CTNNA1: variants seen among roughly 807,000 people sequenced by gnomAD.
CTNNA1 encodes the protein catenin alpha 1.
Under a neutral mutation model 98.4 loss-of-function variants are expected in CTNNA1, and 37 were observed. The observed-to-expected ratio is 0.38, with a 90% CI of 0.29 to 0.49. The LOEUF (loss-of-function observed/expected upper bound fraction) is 0.49. CTNNA1 is among the 20% of genes least tolerant of loss of function. The probability of loss-of-function intolerance (pLI) is 0.95; values close to 1 mark genes in which losing one functional copy is unlikely to be tolerated. For synonymous variants in CTNNA1, 404 were observed against 413.2 expected (o/e 0.98, Z 0.27); for missense variants, 761 against 1,147.2 (o/e 0.66, Z 4.86).
chr5:138,824,020 A>T (rs906006722), intron 5 of CTNNA1, among the ~76,000 whole-genome samples: 1 of 151,432 alleles, frequency 6.6e-6, no homozygotes, highest in Admixed American at 6.6e-5. Flanking sequence ...TACTCATAAT[A>T]AGTCTTACTC....
chr5:138,870,093 C>A (rs1317073478), intron 7 of CTNNA1: 2 of 152,074 alleles, frequency 1.3e-5, no homozygotes, highest in African/African-American at 4.8e-5. Flanking sequence ...TTCCTCTAAT[C>A]TTAAAAATAG....
chr5:138,858,384 C>G (rs1427008587), intron 7 of CTNNA1, among the ~76,000 whole-genome samples: 1 of 151,990 alleles, frequency 6.6e-6, no homozygotes, highest in African/African-American at 2.4e-5. Context: ...ACCTTGGCTT[C>G]CCAAAGTGCT....
Position 138,930,363 on chromosome 5 carries a change from G to C in CTNNA1, c.2011-110G>C, listed in dbSNP as rs1765044937. The stretch of plus-strand genomic sequence containing the variant: ...TTCAGGCGAAATGAAACCTATTAAA[G>C]CATTATCCTACCTATGCCACAGATT... On this transcript the variant is annotated intron_variant, in intron 14 of 17. Transcript: ENST00000302763. The C allele has an allele frequency of 6.4e-6, 5 of 785,354 alleles. 1 individual carries two copies. In the South Asian group the frequency reaches 9.1e-5, roughly 14 times the overall value. The allele number at this position is 785,354 out of a possible 1,614,324, so 48.6% of individuals were successfully genotyped here. A position where few individuals can be genotyped will look rare whatever the true frequency, so the allele number is the denominator to read the frequency against.
intron 3 of CTNNA1, among the ~76,000 whole-genome samples, chr5:138,801,769 C>T (rs1050271395): frequency 6.6e-6 from 1 of 152,088 alleles, no homozygotes; most frequent in Non-Finnish European, 1.5e-5. Flanking sequence ...GATTATTCAA[C>T]ACAACAAAGA....
chr5:138,905,744 T>A (rs555044187), intron 10 of CTNNA1, among the ~76,000 whole-genome samples: 13 of 152,312 alleles, frequency 8.5e-5, no homozygotes, highest in Non-Finnish European at 1.6e-4. Context: ...GAGCTGAGTT[T>A]GTTTGTCTGG....
intron 5 of CTNNA1, among the ~76,000 whole-genome samples, chr5:138,818,971 A>G (rs1199446151): frequency 6.6e-6 from 1 of 152,190 alleles, no homozygotes; most frequent in African/African-American, 2.4e-5. Flanking sequence ...CCATAAAGCC[A>G]GGATCTGTGA....
chr5:138,830,590 A>G (rs1761183629), intron 7 of CTNNA1, among the ~76,000 whole-genome samples: 1 of 152,254 alleles, frequency 6.6e-6, no homozygotes, highest in Non-Finnish European at 1.5e-5. Context: ...AGGGTCTGGA[A>G]GAAGCAGAAG....
chr5:138,931,849 T>C, intron 16 of CTNNA1: 1 of 985,540 alleles, frequency 1.0e-6, no homozygotes, highest in South Asian at 4.7e-5. Flanking sequence ...GTGGTGTACT[T>C]TGCTCCAGCC....
At chr5:138,816,075 G>A (rs541390278) in intron 5 of CTNNA1, among the ~76,000 whole-genome samples, 7 of 152,198 alleles carry the variant, frequency 4.6e-5, no homozygotes, top group East Asian at 1.9e-4. Context: ...CCACCTCTCC[G>A]CACTACCCTT....
At chr5:138,799,857 G>GATGT (rs55698183) in intron 3 of CTNNA1, among the ~76,000 whole-genome samples, 38,027 of 148,844 alleles carry the variant, frequency 0.26, 4,905 homozygotes, top group Non-Finnish European at 0.29. Context: ...AGTAGATGTA[G>GATGT]ATGTATGTAT....
intron 3 of CTNNA1, among the ~76,000 whole-genome samples, chr5:138,804,496 A>G (rs1310284311): frequency 6.6e-6 from 1 of 152,214 alleles, no homozygotes; most frequent in African/African-American, 2.4e-5. Flanking sequence ...CTGCCCAGCA[A>G]GCATTACCTT....
chr5:138,872,940 G>C (rs774314190), intron 7 of CTNNA1: 36 of 1,089,612 alleles, frequency 3.3e-5, no homozygotes, highest in Non-Finnish European at 4.6e-5. Flanking sequence ...GTAAAAATTA[G>C]ATATGTATTT....
At chr5:138,905,323 C>A (rs1759002531) in intron 10 of CTNNA1, among the ~76,000 whole-genome samples, 1 of 152,058 alleles carries the variant, frequency 6.6e-6, no homozygotes, top group African/African-American at 2.4e-5. Flanking sequence ...CCTTCCATTG[C>A]TGGAAAATAC....
chr5:138,885,397 A>G (rs1234143042), intron 7 of CTNNA1, among the ~76,000 whole-genome samples: 1 of 152,222 alleles, frequency 6.6e-6, no homozygotes, highest in East Asian at 1.9e-4. Context: ...TACTTTATAT[A>G]TACTTTATAG....
rs73263406 is a variant in CTNNA1 at position 138,830,482 on chromosome 5, C to T, written c.1062+2764C>T. ...TCTTTAGTTTCCTTTTATTGATTCACGTAACAGTGAACAGGCTTGGTCCTG... is the reference window on the plus strand; with the variant it reads ...TCTTTAGTTTCCTTTTATTGATTCATGTAACAGTGAACAGGCTTGGTCCTG... On this transcript the variant is annotated intron_variant, in intron 7 of 17. Transcript: ENST00000302763. 8.7e-3 allele frequency among the ~76,000 whole-genome samples: 1,324 copies of T among 152,266 alleles called. 18 individuals are homozygous for T. The highest frequency in any genetic ancestry group is 0.03 in the African/African-American group (1,257 of 41,536).
chr5:138,829,925 G>A (rs1377626814), intron 7 of CTNNA1, among the ~76,000 whole-genome samples: 1 of 152,078 alleles, frequency 6.6e-6, no homozygotes, highest in Non-Finnish European at 1.5e-5. Flanking sequence ...CCAGCACTTT[G>A]GGAGGCTGAG....
intron 1 of CTNNA1, among the ~76,000 whole-genome samples, chr5:138,776,039 C>CTTTTTTT (rs57467422): frequency 1.6e-3 from 132 of 83,830 alleles, no homozygotes; most frequent in South Asian, 2.3e-3. Flanking sequence ...GGAAATGTTT[C>CTTTTTTT]TTTTTTTTTT....
At chr5:138,777,019 G>A (rs554085614) in intron 1 of CTNNA1, among the ~76,000 whole-genome samples, 61 of 152,306 alleles carry the variant, frequency 4.0e-4, no homozygotes, top group African/African-American at 1.5e-3. Context: ...CTCCCTCCCG[G>A]ATGGGGTGGC....
chr5:138,823,327 C>T (rs1396065669), intron 5 of CTNNA1, among the ~76,000 whole-genome samples: 1 of 152,028 alleles, frequency 6.6e-6, no homozygotes, highest in Non-Finnish European at 1.5e-5. Context: ...GAAATGATGC[C>T]AAGGACCTCA....
Sources: allele counts gnomAD v4.1 joint callset (sites outside exome capture counted in the v4.1 genomes callset), GRCh38; gene constraint gnomAD v4.1.1; transcripts MANE v1.5; gene names NCBI Gene and HGNC (gene_info 2026-07-23, HGNC 2026-07-21).